The following TBC1D19 variants were observed in gnomAD, a reference collection of about 807,000 sequenced individuals.
TBC1D19 encodes the protein TBC1 domain family, member 19.
Under a neutral mutation model 89.0 loss-of-function variants are expected in TBC1D19, and 60 were observed. That is an observed-to-expected ratio of 0.67 (90% CI 0.55 to 0.84). The LOEUF (loss-of-function observed/expected upper bound fraction) is 0.84. Among genes scored for constraint, TBC1D19 ranks in the 40% least tolerant of loss-of-function variants. TBC1D19 has a pLI of 0.00. For missense variants in TBC1D19, 500 were observed against 610.8 expected (o/e 0.82, Z 1.91); for synonymous variants, 189 against 199.7 (o/e 0.95, Z 0.45).
At chr4:26,770,624 C>T in the TBC1D19 span, among the ~76,000 whole-genome samples, 1 of 151,970 alleles carries the variant, frequency 6.6e-6, no homozygotes, top group Admixed American at 6.6e-5. Context: ...TGTCTAACTG[C>T]ATTTATAGAA....
chr4:26,851,997 C>G, the TBC1D19 span, among the ~76,000 whole-genome samples: 1 of 152,278 alleles, frequency 6.6e-6, no homozygotes, highest in South Asian at 2.1e-4. Context: ...ACTCCTAAAT[C>G]TAAATCTCCA....
intron 7 of TBC1D19, among the ~76,000 whole-genome samples, chr4:26,642,770 G>C (rs566268222): frequency 3.3e-5 from 5 of 152,116 alleles, no homozygotes; most frequent in Non-Finnish European, 7.4e-5. Flanking sequence ...AAAAGAGCAG[G>C]AGTTACAATC....
chr4:26,706,736 C>G (rs546481013), intron 13 of TBC1D19, among the ~76,000 whole-genome samples: 69 of 152,070 alleles, frequency 4.5e-4, no homozygotes, highest in African/African-American at 1.6e-3. Context: ...CATGGTTTTG[C>G]CATTTGTCTC....
downstream of TBC1D19, among the ~76,000 whole-genome samples, chr4:26,760,645 C>CA (rs1719424354): frequency 6.6e-6 from 1 of 152,024 alleles, no homozygotes; most frequent in African/African-American, 2.4e-5. Context: ...TTTCTCCCAG[C>CA]CTATAGGATA....
chr4:26,853,923 A>G, the TBC1D19 span, among the ~76,000 whole-genome samples: 6 of 152,290 alleles, frequency 3.9e-5, no homozygotes, highest in Admixed American at 6.5e-5. Flanking sequence ...AAACATCCAC[A>G]TTTCCAGACT....
intron 13 of TBC1D19, among the ~76,000 whole-genome samples, chr4:26,699,927 G>A (rs1715170826): frequency 6.6e-6 from 1 of 151,932 alleles, no homozygotes; most frequent in Non-Finnish European, 1.5e-5. Context: ...GCAAGTTAAT[G>A]GGTGCAGCAA....
At chr4:26,586,001 C>T (rs1739389681) in intron 1 of TBC1D19, among the ~76,000 whole-genome samples, 1 of 152,096 alleles carries the variant, frequency 6.6e-6, no homozygotes, top group Non-Finnish European at 1.5e-5. Flanking sequence ...TTGTTCCCTA[C>T]CTAAAAGTGT....
At chr4:26,731,369 T>C (rs1459518034) in intron 15 of TBC1D19, among the ~76,000 whole-genome samples, 1 of 151,726 alleles carries the variant, frequency 6.6e-6, no homozygotes, top group Non-Finnish European at 1.5e-5. Context: ...GCTTGTGGGG[T>C]ACAGAGAAGG....
chr4:26,606,780 G>A (rs941166651), intron 1 of TBC1D19, among the ~76,000 whole-genome samples: 1 of 152,186 alleles, frequency 6.6e-6, no homozygotes, highest in Non-Finnish European at 1.5e-5. Context: ...ATAGCATAGT[G>A]AAAAGCAGGA....
At chr4:26,770,485 G>A in the TBC1D19 span, among the ~76,000 whole-genome samples, 1,933 of 152,110 alleles carry the variant, frequency 0.013, 35 homozygotes, top group African/African-American at 0.043. Flanking sequence ...TTGGTGGAAT[G>A]AGTAAGTAGA....
intron 3 of TBC1D19, among the ~76,000 whole-genome samples, chr4:26,618,653 G>C (rs77921923): frequency 0.022 from 3,392 of 152,180 alleles, 62 homozygotes; most frequent in Middle Eastern, 0.061. Flanking sequence ...GCAATATATT[G>C]GTTATCTACT....
At chr4:26,590,435 T>A (rs1739695595) in intron 1 of TBC1D19, among the ~76,000 whole-genome samples, 1 of 152,206 alleles carries the variant, frequency 6.6e-6, no homozygotes, top group Admixed American at 6.5e-5. Context: ...TCACGTTTTA[T>A]ATCAAGGTTA....
the TBC1D19 span, among the ~76,000 whole-genome samples, chr4:26,843,276 A>C: frequency 1.3e-5 from 2 of 152,186 alleles, no homozygotes; most frequent in Non-Finnish European, 2.9e-5. Context: ...CATACATATC[A>C]ATGTCACATC....
At chr4:26,612,491 A>G (rs540156515) in intron 1 of TBC1D19, among the ~76,000 whole-genome samples, 1 of 152,148 alleles carries the variant, frequency 6.6e-6, no homozygotes, top group South Asian at 2.1e-4. Context: ...AGATCCTCTA[A>G]TAGAAATTCC....
the TBC1D19 span, among the ~76,000 whole-genome samples, chr4:26,786,575 G>A: frequency 6.6e-6 from 1 of 152,104 alleles, no homozygotes; most frequent in Non-Finnish European, 1.5e-5. Context: ...TATTTCACTG[G>A]GCCAACATCG....
chr4:26,781,499 C>T, the TBC1D19 span, among the ~76,000 whole-genome samples: 1 of 152,168 alleles, frequency 6.6e-6, no homozygotes, highest in Non-Finnish European at 1.5e-5. Flanking sequence ...AGGAAATTTA[C>T]AGAACAGGAC....
intron 9 of TBC1D19, among the ~76,000 whole-genome samples, chr4:26,669,527 T>G: frequency 6.6e-6 from 1 of 151,764 alleles, no homozygotes. Context: ...GAGATTTTGG[T>G]TCTGACTTTT....
At chr4:26,840,172 C>G in the TBC1D19 span, among the ~76,000 whole-genome samples, 3 of 152,140 alleles carry the variant, frequency 2.0e-5, no homozygotes, top group Non-Finnish European at 4.4e-5. Context: ...ACCTCCGCCT[C>G]CTGGGTTCAA....
chr4:26,707,230 A>C (rs1004426865), intron 13 of TBC1D19, among the ~76,000 whole-genome samples: 2 of 152,012 alleles, frequency 1.3e-5, no homozygotes, highest in Admixed American at 6.6e-5. Flanking sequence ...TTGTAGGTAC[A>C]TAAATGTTTA....
Sources: gnomAD v4.1 joint callset for allele counts (sites outside exome capture counted in the v4.1 genomes callset) on GRCh38, gnomAD v4.1.1 for gene constraint, MANE v1.5 for transcripts, NCBI Gene and HGNC (gene_info 2026-07-23, HGNC 2026-07-21) for gene names.